Variants in SCN8A observed in about 807,000 individuals in gnomAD.
SCN8A encodes sodium voltage-gated channel alpha subunit 8.
SCN8A carries 30 observed loss-of-function variants against 184.1 expected under a neutral mutation model. The ratio of observed to expected loss-of-function variants is 0.16; its 90% CI spans 0.12 to 0.22. SCN8A has a LOEUF of 0.22. Among genes scored for constraint, SCN8A ranks in the 10% least tolerant of loss-of-function variants. The pLI, the probability that SCN8A is intolerant of heterozygous loss-of-function variation, is 1.00. For synonymous variants in SCN8A, 852 were observed against 907.0 expected, an observed-to-expected ratio of 0.94 and a Z score of 1.09; for missense variants, 1,057 against 2,498.9, an observed-to-expected ratio of 0.42 and a Z score of 12.30.
rs534474606 is a variant in SCN8A, at chr12:51,672,122, C to T, written c.276+9029C>T. 2.0e-5 allele frequency among the ~76,000 whole-genome samples: 3 copies of T among 152,262 alleles called. No individual in the cohort carries two copies. In the South Asian group the frequency reaches 6.2e-4, roughly 32 times the overall value. On this transcript the variant is annotated intron_variant, in intron 2 of 26. Coordinates refer to ENST00000627620, the MANE Select transcript of SCN8A (RefSeq NM_001330260.2). ...AGGTTCCTTTCCCATAGTCTGTAAA[C>T]ACACTCAAAGCCTCTCCCATCCTAA...
At chr12:51,591,471 G>A in intron 1 of SCN8A, 112 bp downstream of exon 1, 1 of 152,790 alleles carries the variant, frequency 6.5e-6, no homozygotes, top group East Asian at 1.9e-4. Context: ...GGGCTTTGCC[G>A]CAGAGTGCGC....
chr12:51,678,894 G>A (rs1053604150), intron 2 of SCN8A, among the ~76,000 whole-genome samples: 4 of 150,328 alleles, frequency 2.7e-5, no homozygotes, highest in African/African-American at 7.3e-5. Flanking sequence ...TGGCTAACAC[G>A]GTGAAACCCC....
chr12:51,769,688 A>G (rs1193828405), intron 17 of SCN8A, among the ~76,000 whole-genome samples, 180 bp from the exon 18 acceptor site: 1 of 152,136 alleles, frequency 6.6e-6, no homozygotes, highest in Admixed American at 6.5e-5. Flanking sequence ...TTGATGTTAT[A>G]TCCCATCTGG....
intron 7 of SCN8A, among the ~76,000 whole-genome samples, chr12:51,700,832 A>C (rs1186209368): frequency 6.6e-6 from 1 of 152,234 alleles, no homozygotes; most frequent in Non-Finnish European, 1.5e-5. Flanking sequence ...TGTACAACTC[A>C]GAAAACTTAC....
At chr12:51,793,007 C>T (rs1938309578) in intron 25 of SCN8A, among the ~76,000 whole-genome samples, 1 of 152,016 alleles carries the variant, frequency 6.6e-6, no homozygotes, top group Non-Finnish European at 1.5e-5. Context: ...CCTCGGCCTC[C>T]CAAAGTGCTG....
At position 51,746,010 on chromosome 12, in the gene SCN8A, T is replaced by C. The variant is rs1219874424; in HGVS notation, c.2106T>C (p.Ser702=). 1 of 1,609,540 alleles carries C rather than the reference T, an allele frequency of 6.2e-7. No homozygotes were observed. Among genetic ancestry groups the C allele is most frequent in the South Asian group, 1.1e-5 (1 of 89,914 alleles). The change falls in exon 13 of 27, where the codon AGT becomes AGC. Residue 702 remains serine (S), a synonymous_variant. Coordinates refer to ENST00000627620, the MANE Select transcript of SCN8A (RefSeq NM_001330260.2). ...GRKDRINSIM[S]VVTNTLVEEL... ...AGGACAGAATCAACAGTATAATGAG[T>C]GTTGTTACAAATACACTAGTAGAAG...
rs184229424 is a variant in SCN8A at position 51,597,510 on chromosome 12, A to G, written c.-55+6151A>G. ...TATTTATTTTTCTCCTTTTTCCTCC[A>G]TTATGAGCACTTAACTGATCATTAG... On this transcript the variant is annotated intron_variant, in intron 1 of 26. Transcript: ENST00000627620. Among the ~76,000 whole-genome samples, 170 of 152,266 alleles carry G rather than the reference A, an allele frequency of 1.1e-3. 1 individual carries two copies. The highest frequency in any genetic ancestry group is 4.5e-3 in the Admixed American group (69 of 15,288).
At chr12:51,619,541 T>C (rs865790553) in intron 1 of SCN8A, among the ~76,000 whole-genome samples, 1 of 152,216 alleles carries the variant, frequency 6.6e-6, no homozygotes, top group South Asian at 2.1e-4. Context: ...AGCCTTGATA[T>C]GGTAAGGAAT....
chr12:51,705,409 C>G lies in SCN8A; in HGVS notation c.1135-8C>G. ...AAGTGACTCAGAAAATGGCCTTTGTCTTTGCAGACTTTACGAGCAGCCGGG... is the reference window on the plus strand; with the variant it reads ...AAGTGACTCAGAAAATGGCCTTTGTGTTTGCAGACTTTACGAGCAGCCGGG... On this transcript the variant is annotated splice_polypyrimidine_tract_variant and splice_region_variant and intron_variant, in intron 9 of 26. Transcript: ENST00000627620. 6.2e-7 allele frequency: 1 copy of G among 1,613,596 alleles called. No homozygotes were observed. Among genetic ancestry groups the G allele is most frequent in the Non-Finnish European group, 8.5e-7 (1 of 1,179,614 alleles).
intron 1 of SCN8A, among the ~76,000 whole-genome samples, chr12:51,592,231 G>A (rs888236884): frequency 6.6e-6 from 1 of 151,688 alleles, no homozygotes; most frequent in Non-Finnish European, 1.5e-5. Flanking sequence ...GTACCTTGGG[G>A]CACCGCAAAG....
intron 12 of SCN8A, among the ~76,000 whole-genome samples, chr12:51,730,362 C>G (rs1942220549): frequency 6.6e-6 from 1 of 152,172 alleles, no homozygotes; most frequent in African/African-American, 2.4e-5. Context: ...TATTTCTGGA[C>G]TCTGTTCTGT....
chr12:51,617,717 T>A (rs1939871461), intron 1 of SCN8A, among the ~76,000 whole-genome samples: 1 of 152,238 alleles, frequency 6.6e-6, no homozygotes, highest in South Asian at 2.1e-4. Context: ...TTAAATCATA[T>A]AGAGAATGTT....
At chr12:51,746,155 G>T (rs1942508879) in intron 13 of SCN8A, 120 bp downstream of exon 13, 3 of 902,920 alleles carry the variant, frequency 3.3e-6, no homozygotes, top group Non-Finnish European at 4.8e-6. Context: ...TTTAGGAATG[G>T]AACGTATTCC....
intron 22 of SCN8A, among the ~76,000 whole-genome samples, chr12:51,787,399 C>T (rs1164353213): frequency 1.3e-5 from 2 of 152,196 alleles, no homozygotes; most frequent in African/African-American, 2.4e-5. Context: ...TTCACTGCCT[C>T]TCTCACCAGT....
intron 20 of SCN8A, among the ~76,000 whole-genome samples, chr12:51,775,868 C>T (rs1337740909): frequency 6.6e-6 from 1 of 152,168 alleles, no homozygotes; most frequent in Non-Finnish European, 1.5e-5. Flanking sequence ...CCTACCCTCA[C>T]CAGAACACGT....
intron 6 of SCN8A, among the ~76,000 whole-genome samples, chr12:51,697,609 G>A (rs1369028300): frequency 6.6e-6 from 1 of 152,206 alleles, no homozygotes; most frequent in Non-Finnish European, 1.5e-5. Context: ...GTCCCTTTGA[G>A]GAGGGTACCA....
At chr12:51,760,239 A>T (rs954501408) in intron 14 of SCN8A, among the ~76,000 whole-genome samples, 1 of 152,240 alleles carries the variant, frequency 6.6e-6, no homozygotes, top group Non-Finnish European at 1.5e-5. Context: ...AGAGCATCAT[A>T]GGATAACCTT....
At chr12:51,802,531 A>G (rs1421506845) in intron 26 of SCN8A, among the ~76,000 whole-genome samples, 1 of 152,196 alleles carries the variant, frequency 6.6e-6, no homozygotes, top group Non-Finnish European at 1.5e-5. Flanking sequence ...CGTGGTAAGA[A>G]CTTGTGTCTG....
At position 51,794,485 on chromosome 12, in the gene SCN8A, A is replaced by G; in HGVS notation, c.4639A>G (p.Ser1547Gly). 1 of 1,614,036 alleles carries G rather than the reference A, an allele frequency of 6.2e-7. No homozygotes were observed. The highest frequency in any genetic ancestry group is 8.5e-7 in the Non-Finnish European group (1 of 1,179,900). The change falls in exon 26 of 27, where the codon AGC becomes GGC. Residue 1547 changes from serine to glycine, a missense_variant. This residue lies in a region of SCN8A where 34 missense variants were observed against 64.0 expected (regional missense o/e 0.53). Transcript: ENST00000627620. ...VTMMVETDTQ[S>G]KQMENILYWI... The stretch of plus-strand genomic sequence containing the variant: ...AATGATGGTGGAGACAGACACTCAA[A>G]GCAAGCAGATGGAGAACATCCTCTA...
Sources: allele counts gnomAD v4.1 joint callset (sites outside exome capture counted in the v4.1 genomes callset), GRCh38; gene constraint gnomAD v4.1.1; regional missense constraint gnomAD v4.1.1; transcripts MANE v1.5; gene names NCBI Gene and HGNC (gene_info 2026-07-23, HGNC 2026-07-21).